MMACHC: variants seen among roughly 807,000 people sequenced by gnomAD.
MMACHC encodes metabolism of cobalamin associated C, also known as cyanocobalamin reductase / alkylcobalamin dealkylase.
MMACHC carries 14 observed loss-of-function variants against 17.6 expected under a neutral mutation model. That is an observed-to-expected ratio of 0.80 (90% CI 0.53 to 1.25). The LOEUF (loss-of-function observed/expected upper bound fraction) is 1.25, where lower values mean the gene tolerates loss of function less well. Among genes scored for constraint, MMACHC ranks in the 50% most tolerant of loss-of-function variants. MMACHC has a pLI of 0.00. For synonymous variants in MMACHC, 151 were observed against 142.1 expected (o/e 1.06, Z -0.45); for missense variants, 392 against 364.5 (o/e 1.08, Z -0.62).
At chr1:45,506,124 T>A (rs559142663) in intron 1 of MMACHC, among the ~76,000 whole-genome samples, 8 of 152,286 alleles carry the variant, frequency 5.3e-5, no homozygotes, top group Middle Eastern at 3.4e-3. Flanking sequence ...AAAGAAGTGC[T>A]GGTTGGGAAG....
chr1:45,504,473 T>G (rs1043685672), intron 1 of MMACHC, among the ~76,000 whole-genome samples: 4 of 152,186 alleles, frequency 2.6e-5, no homozygotes, highest in African/African-American at 9.7e-5. Context: ...AATATGGTGT[T>G]GACCGTGGTA....
At position 45,511,476 on chromosome 1, in the gene MMACHC, A is replaced by G. The variant is rs1053245508; in HGVS notation, c.*2261A>G. The G allele has an allele frequency of 2.8e-6, 4 of 1,415,128 alleles. No individual in the cohort carries two copies. The African/African-American group carries it at 4.3e-5, about 15-fold the overall frequency. The allele number at this position is 1,415,128 out of a possible 1,614,324, so 87.7% of individuals were successfully genotyped here. A position where few individuals can be genotyped will look rare whatever the true frequency, so the allele number is the denominator to read the frequency against. On this transcript the variant is annotated 3_prime_UTR_variant, in exon 4 of 4. Coordinates refer to ENST00000401061, the MANE Select transcript of MMACHC (RefSeq NM_015506.3). ...CAATGGTATGCACCACCATTCTCCT[A>G]TGGACAAAACCAGTTCTGCACCTGA...
Position 45,509,448 on chromosome 1 carries a change from C to CT in MMACHC, c.*234dup. The CT allele has an allele frequency of 2.2e-6, 1 of 451,584 alleles. No individual in the cohort carries two copies. Among genetic ancestry groups the CT allele is most frequent in the Non-Finnish European group, 3.8e-6 (1 of 265,802 alleles). The allele number at this position is 451,584 out of a possible 1,614,324, so 28.0% of individuals were successfully genotyped here. A position where few individuals can be genotyped will look rare whatever the true frequency, so the allele number is the denominator to read the frequency against. On this transcript the variant is annotated 3_prime_UTR_variant, in exon 4 of 4. Coordinates refer to ENST00000401061, the MANE Select transcript of MMACHC (RefSeq NM_015506.3). ...TTTTTTTTTTAGACAGAGTCTTACTCTGTCACCTAGGCTGGAGTGCAGTGG... is the reference window on the plus strand; with the variant it reads ...TTTTTTTTTTAGACAGAGTCTTACTCTTGTCACCTAGGCTGGAGTGCAGTGG...
rs755843695 is a variant in MMACHC at position 45,509,009 on chromosome 1, T to C, written c.643T>C (p.Tyr215His). Residue 215 changes from tyrosine (Y) to histidine (H), a missense_variant, in exon 4 of 4, where the codon TAC becomes CAC. Transcript: ENST00000401061. ...YRDAVTPQER[Y>H]SEEQKAYFST... ...GGATGCTGTGACACCCCAGGAGCGCTACTCAGAAGAGCAGAAGGCCTACTT... is the reference window on the plus strand; with the variant it reads ...GGATGCTGTGACACCCCAGGAGCGCCACTCAGAAGAGCAGAAGGCCTACTT... 1.9e-5 allele frequency: 30 copies of C among 1,614,164 alleles called. No homozygotes were observed. In the East Asian group the frequency reaches 2.0e-4, roughly 11 times the overall value.
intron 1 of MMACHC, among the ~76,000 whole-genome samples, chr1:45,505,118 T>TAAAAAAAA: frequency 8.4e-6 from 1 of 119,388 alleles, no homozygotes; most frequent in Non-Finnish European, 1.7e-5. Context: ...TGTATACATT[T>TAAAAAAAA]AAAAAAAAAA....
chr1:45,503,806 C>A (rs191462416), intron 1 of MMACHC, among the ~76,000 whole-genome samples: 3 of 152,214 alleles, frequency 2.0e-5, no homozygotes, highest in Non-Finnish European at 4.4e-5. Flanking sequence ...AAGTGTTCTG[C>A]ACTATGAGTC....
chr1:45,505,396 C>T (rs960202557), intron 1 of MMACHC, among the ~76,000 whole-genome samples: 7 of 151,844 alleles, frequency 4.6e-5, no homozygotes, highest in Admixed American at 1.3e-4. Context: ...TGCAATAAGC[C>T]GAGGCTGCGC....
At chr1:45,505,137 A>AAAG (rs1553162646) in intron 1 of MMACHC, among the ~76,000 whole-genome samples, 7 of 147,116 alleles carry the variant, frequency 4.8e-5, no homozygotes, top group African/African-American at 7.5e-5. Context: ...AAAAAAAAAA[A>AAAG]GGGCCGTTTT....
Position 45,509,975 on chromosome 1 carries a change from G to A in MMACHC, c.*760G>A, listed in dbSNP as rs1643708523. On this transcript the variant is annotated 3_prime_UTR_variant, in exon 4 of 4. Transcript: ENST00000401061. ...GCCTGTAGTCCCAGCTACTCAGGAG[G>A]CTGAGGCAGTAGAATCATTTGAACC... 6.6e-6 allele frequency: 1 copy of A among 151,722 alleles called. No individual in the cohort carries two copies. The highest frequency in any genetic ancestry group is 2.1e-4 in the South Asian group (1 of 4,796). 9.4% of individuals were successfully genotyped at this position (151,722 alleles called of 1,614,324 possible).
intron 1 of MMACHC, among the ~76,000 whole-genome samples, chr1:45,502,539 G>A (rs1033903309): frequency 2.0e-5 from 3 of 152,138 alleles, no homozygotes; most frequent in Admixed American, 2.0e-4. Flanking sequence ...ACCGCACTCA[G>A]TCTGTGACCT....
In MMACHC at chr1:45,510,512, T is replaced by C. The variant is rs1206915076; in HGVS notation, c.*1297T>C. On this transcript the variant is annotated 3_prime_UTR_variant, in exon 4 of 4. Coordinates refer to ENST00000401061, the MANE Select transcript of MMACHC (RefSeq NM_015506.3). The stretch of plus-strand genomic sequence containing the variant: ...GAATTCAGAACCACTCTGGGCAACA[T>C]AATGACACTAAAAAAGACTATCTCT... 1 of 152,154 alleles carries C rather than the reference T, an allele frequency of 6.6e-6. No individual in the cohort carries two copies. Among genetic ancestry groups the C allele is most frequent in the East Asian group, 1.9e-4 (1 of 5,194 alleles). 9.4% of individuals were successfully genotyped at this position (152,154 alleles called of 1,614,324 possible). A position where few individuals can be genotyped will look rare whatever the true frequency, so the allele number is the denominator to read the frequency against.
intron 3 of MMACHC, 44 bp from the exon 4 acceptor site, chr1:45,508,752 C>CA: frequency 1.3e-6 from 2 of 1,593,522 alleles, no homozygotes; most frequent in Non-Finnish European, 1.7e-6. Context: ...GACTTGGTGC[C>CA]AAGGGGACCT....
chr1:45,502,933 G>A (rs12048936), intron 1 of MMACHC, among the ~76,000 whole-genome samples: 111,961 of 151,888 alleles, frequency 0.74, 41,693 homozygotes, highest in East Asian at 0.93. Flanking sequence ...TTGAACTCCC[G>A]ACCTCAGGTG....
Position 45,509,355 on chromosome 1 carries a change from G to T in MMACHC, c.*140G>T. On this transcript the variant is annotated 3_prime_UTR_variant, in exon 4 of 4. Coordinates refer to ENST00000401061, the MANE Select transcript of MMACHC (RefSeq NM_015506.3). ...TTCCATGAAGATAACAAGGCTCAAGGAAGTTAGGTTTGGCCAAGATAAAGG... is the reference window on the plus strand; with the variant it reads ...TTCCATGAAGATAACAAGGCTCAAGTAAGTTAGGTTTGGCCAAGATAAAGG... 1 of 1,051,814 alleles carries T rather than the reference G, an allele frequency of 9.5e-7. No individual in the cohort carries two copies. The highest frequency in any genetic ancestry group is 1.4e-6 in the Non-Finnish European group (1 of 728,372). 65.2% of individuals were successfully genotyped at this position (1,051,814 alleles called of 1,614,324 possible).
chr1:45,501,750 A>C (rs1015418123), intron 1 of MMACHC, among the ~76,000 whole-genome samples: 4 of 152,150 alleles, frequency 2.6e-5, no homozygotes, highest in African/African-American at 9.7e-5. Context: ...CTATCTGGCA[A>C]GTTGAGTAGA....
chr1:45,508,680 T>C, intron 3 of MMACHC, 116 bp from the exon 4 acceptor site: 2 of 1,213,578 alleles, frequency 1.6e-6, no homozygotes, highest in Non-Finnish European at 2.3e-6. Context: ...AGGACAGAGG[T>C]TTATGTAGTC....
chr1:45,506,667 A>G (rs917794930), intron 1 of MMACHC, among the ~76,000 whole-genome samples: 1 of 151,760 alleles, frequency 6.6e-6, no homozygotes, highest in Admixed American at 6.6e-5. Flanking sequence ...TTGTATTTCT[A>G]GTACAGGCAG....
In MMACHC at chr1:45,513,311, G is replaced by A. The variant is rs1358341623; in HGVS notation, c.*4096G>A. The A allele has an allele frequency of 1.3e-5, 2 of 152,192 alleles. No homozygotes were observed. Among genetic ancestry groups the A allele is most frequent in the Admixed American group, 6.5e-5 (1 of 15,280 alleles). 9.4% of individuals were successfully genotyped at this position (152,192 alleles called of 1,614,324 possible). ...CATTCAGTAAGTTAGATCTTTGGGA[G>A]TGACTGATTCTAAATGAGCAGGACA... On this transcript the variant is annotated 3_prime_UTR_variant, in exon 4 of 4. Coordinates refer to ENST00000401061, the MANE Select transcript of MMACHC (RefSeq NM_015506.3).
chr1:45,501,752 T>C (rs1643549104), intron 1 of MMACHC, among the ~76,000 whole-genome samples: 1 of 152,290 alleles, frequency 6.6e-6, no homozygotes, highest in South Asian at 2.1e-4. Context: ...ATCTGGCAAG[T>C]TGAGTAGACC....
Sources: allele counts gnomAD v4.1 joint callset (sites outside exome capture counted in the v4.1 genomes callset), GRCh38; gene constraint gnomAD v4.1.1; transcripts MANE v1.5; gene names NCBI Gene and HGNC (gene_info 2026-07-23, HGNC 2026-07-21).